PTPRG: variants seen among roughly 807,000 people sequenced by gnomAD.
PTPRG encodes receptor-type tyrosine-protein phosphatase gamma.
Under a neutral mutation model 165.3 loss-of-function variants are expected in PTPRG, and 102 were observed. The ratio of observed to expected loss-of-function variants is 0.62; its 90% CI spans 0.53 to 0.73. The LOEUF (loss-of-function observed/expected upper bound fraction) is 0.73. Among genes scored for constraint, PTPRG ranks in the 30% least tolerant of loss-of-function variants. PTPRG has a pLI of 0.00. For missense variants in PTPRG, 1,866 were observed against 1,861.4 expected, an observed-to-expected ratio of 1.00 and a Z score of -0.05; for synonymous variants, 675 against 669.5, an observed-to-expected ratio of 1.01 and a Z score of -0.13.
intron 12 of PTPRG, among the ~76,000 whole-genome samples, chr3:62,207,395 A>C (rs557845000): frequency 6.6e-6 from 1 of 152,218 alleles, no homozygotes; most frequent in Admixed American, 6.5e-5. Flanking sequence ...AGCAAATCCC[A>C]CATCAGTCAA....
Position 62,012,008 on chromosome 3 carries a change from G to A in PTPRG, c.519+8511G>A, listed in dbSNP as rs139517752. On this transcript the variant is annotated intron_variant, in intron 4 of 29. Coordinates refer to ENST00000474889, the MANE Select transcript of PTPRG (RefSeq NM_002841.4). ...CTCTCAGTGTAGAAACTTGGTGACC[G>A]TGGTGGCCCTCACAACCATATAGAA... Among the ~76,000 whole-genome samples, 221 of 151,966 alleles carry A rather than the reference G, an allele frequency of 1.5e-3. 2 individuals carry two copies. Among genetic ancestry groups the A allele is most frequent in the African/African-American group, 5.1e-3 (211 of 41,440 alleles).
At chr3:61,743,362 T>C (rs1037864219) in intron 1 of PTPRG, among the ~76,000 whole-genome samples, 23 of 152,202 alleles carry the variant, frequency 1.5e-4, no homozygotes, top group African/African-American at 5.1e-4. Flanking sequence ...TCTCCACTCT[T>C]ACCTTGTCAA....
At chr3:61,598,962 C>T (rs1003273059) in intron 1 of PTPRG, among the ~76,000 whole-genome samples, 1 of 152,088 alleles carries the variant, frequency 6.6e-6, no homozygotes, top group Non-Finnish European at 1.5e-5. Flanking sequence ...ATAAGGCCCA[C>T]CCTAATGACT....
At chr3:62,206,201 T>C (rs1030022725) in intron 12 of PTPRG, among the ~76,000 whole-genome samples, 5 of 152,176 alleles carry the variant, frequency 3.3e-5, no homozygotes, top group Non-Finnish European at 5.9e-5. Flanking sequence ...AAATGAGTTC[T>C]TGCCATTGGA....
chr3:61,967,885 C>G (rs1486278071), intron 2 of PTPRG, among the ~76,000 whole-genome samples: 1 of 152,254 alleles, frequency 6.6e-6, no homozygotes. Context: ...GTATACACAA[C>G]TGACTTCTAG....
At chr3:61,664,252 C>A (rs932905688) in intron 1 of PTPRG, among the ~76,000 whole-genome samples, 8 of 152,112 alleles carry the variant, frequency 5.3e-5, no homozygotes, top group African/African-American at 1.9e-4. Context: ...ACGCCCCTCG[C>A]ATTTTTAAGA....
intron 8 of PTPRG, among the ~76,000 whole-genome samples, chr3:62,170,360 G>T (rs1705169715): frequency 6.6e-6 from 1 of 152,110 alleles, no homozygotes; most frequent in Non-Finnish European, 1.5e-5. Context: ...AGAGGATGTG[G>T]ATTGGGGGGG....
In PTPRG at chr3:61,562,205, T is replaced by G; in HGVS notation, c.-83T>G. On this transcript the variant is annotated 5_prime_UTR_variant, in exon 1 of 30. Transcript: ENST00000474889. ...GGGCGAGCCGGGGAAGCGCCCCGGC[T>G]TAGCGGAGGCTCGCACGGAGGCAAG... 1.6e-6 allele frequency: 2 copies of G among 1,266,068 alleles called. No homozygotes were observed. Among genetic ancestry groups the G allele is most frequent in the Non-Finnish European group, 2.3e-6 (2 of 886,338 alleles). 78.4% of individuals were successfully genotyped at this position (1,266,068 alleles called of 1,614,324 possible). A position where few individuals can be genotyped will look rare whatever the true frequency, so the allele number is the denominator to read the frequency against.
chr3:62,262,966 C>A, intron 17 of PTPRG, 72 bp downstream of exon 17: 1 of 1,157,310 alleles, frequency 8.6e-7, no homozygotes, highest in Non-Finnish European at 1.3e-6. Flanking sequence ...AAGCTGAAAG[C>A]CAAGCAGTCA....
intron 28 of PTPRG, among the ~76,000 whole-genome samples, chr3:62,286,630 A>T (rs1200868019): frequency 6.6e-6 from 1 of 152,172 alleles, no homozygotes; most frequent in Non-Finnish European, 1.5e-5. Context: ...TCTTTGAAGT[A>T]AATAAAGGCA....
chr3:61,994,442 G>C (rs2040971518), intron 3 of PTPRG, among the ~76,000 whole-genome samples: 1 of 151,544 alleles, frequency 6.6e-6, no homozygotes, highest in Non-Finnish European at 1.5e-5. Context: ...TTTTTTCTTT[G>C]CCTACATTCT....
Position 62,266,424 on chromosome 3 carries a change from G to GAAAT in PTPRG, c.2657-983_2657-980dup, listed in dbSNP as rs1314439029. Among the ~76,000 whole-genome samples, 4 of 152,050 alleles carry GAAAT rather than the reference G, an allele frequency of 2.6e-5. No homozygotes were observed. The East Asian group carries it at 5.8e-4, about 22-fold the overall frequency. On this transcript the variant is annotated intron_variant, in intron 17 of 29. Transcript: ENST00000474889. ...ATTAATGTCTTATTTGTCAGTCTAA[G>GAAAT]AAATAACAATATGCAATTAATGACT...
intron 26 of PTPRG, among the ~76,000 whole-genome samples, chr3:62,281,184 A>C (rs1388460708): frequency 6.6e-6 from 1 of 152,096 alleles, no homozygotes; most frequent in Non-Finnish European, 1.5e-5. Context: ...AACATAATCC[A>C]CAGGAAATAA....
At chr3:61,846,546 C>T (rs1239215334) in intron 2 of PTPRG, among the ~76,000 whole-genome samples, 1 of 152,150 alleles carries the variant, frequency 6.6e-6, no homozygotes, top group Non-Finnish European at 1.5e-5. Flanking sequence ...ACTGGTGGCA[C>T]CAGTGCCTTC....
At chr3:62,143,912 A>G (rs1454379237) in intron 6 of PTPRG, among the ~76,000 whole-genome samples, 1 of 152,204 alleles carries the variant, frequency 6.6e-6, no homozygotes, top group Non-Finnish European at 1.5e-5. Flanking sequence ...CACGAGTATC[A>G]TCGCTAAATG....
At chr3:61,646,396 G>A (rs1366376741) in intron 1 of PTPRG, among the ~76,000 whole-genome samples, 1 of 152,204 alleles carries the variant, frequency 6.6e-6, no homozygotes, top group Non-Finnish European at 1.5e-5. Context: ...AAAGGCATGA[G>A]CCACCGCTCC....
intron 1 of PTPRG, among the ~76,000 whole-genome samples, chr3:61,738,075 AT>A (rs962532756): frequency 6.7e-5 from 10 of 148,736 alleles, no homozygotes; most frequent in Non-Finnish European, 8.9e-5. Context: ...CACCCGGCTA[AT>A]TTTTTTTGTA....
At chr3:62,172,649 G>C (rs536475766) in intron 8 of PTPRG, among the ~76,000 whole-genome samples, 5 of 152,288 alleles carry the variant, frequency 3.3e-5, no homozygotes, top group African/African-American at 9.6e-5. Context: ...ACAGCCTGGA[G>C]GGCTTAGATT....
Position 61,945,457 on chromosome 3 carries a change from G to T in PTPRG, c.191-44168G>T, listed in dbSNP as rs1305439364. On this transcript the variant is annotated intron_variant, in intron 2 of 29. Coordinates refer to ENST00000474889, the MANE Select transcript of PTPRG (RefSeq NM_002841.4). ...GCCTATAATCCCAGCTACTCGGGAGGCTGCGGCAGGAGAATTGCTTGAACC... is the reference window on the plus strand; with the variant it reads ...GCCTATAATCCCAGCTACTCGGGAGTCTGCGGCAGGAGAATTGCTTGAACC... Among the ~76,000 whole-genome samples, 10 of 150,834 alleles carry T rather than the reference G, an allele frequency of 6.6e-5. No homozygotes were observed. The Admixed American group carries it at 6.7e-4, about 10-fold the overall frequency.
Sources: gnomAD v4.1 joint callset for allele counts (sites outside exome capture counted in the v4.1 genomes callset) on GRCh38, gnomAD v4.1.1 for gene constraint, MANE v1.5 for transcripts, NCBI Gene and HGNC (gene_info 2026-07-23, HGNC 2026-07-21) for gene names.